Variants in MGAT5B observed in about 807,000 individuals in gnomAD.
MGAT5B encodes the protein N-acetylglucosaminyl-transferase Vb.
Under a neutral mutation model 95.1 loss-of-function variants are expected in MGAT5B, and 54 were observed. The ratio of observed to expected loss-of-function variants is 0.57; its 90% CI spans 0.46 to 0.71. The LOEUF is 0.71. Ranked by LOEUF, MGAT5B falls within the 30% of genes least tolerant of loss-of-function variation. The pLI is 0.00. For synonymous variants in MGAT5B, 464 were observed against 451.0 expected, an observed-to-expected ratio of 1.03 and a Z score of -0.36; for missense variants, 935 against 1,088.6, an observed-to-expected ratio of 0.86 and a Z score of 1.99.
chr17:76,927,567 A>T (rs1437106100), intron 10 of MGAT5B, among the ~76,000 whole-genome samples: 6 of 152,206 alleles, frequency 3.9e-5, no homozygotes, highest in Admixed American at 3.9e-4. Context: ...ATACTCTAAA[A>T]TGTATACACA....
chr17:76,918,031 A>G lies in MGAT5B; in HGVS notation c.1026-6935A>G, dbSNP rs1000344886. On this transcript the variant is annotated intron_variant, in intron 8 of 17. Coordinates refer to ENST00000569840, the MANE Select transcript of MGAT5B (RefSeq NM_001199172.2). This position sits in a 1 kb window ranked among gnomAD's most constrained non-coding sequence, Gnocchi z 5.1. ...GCGGGGTGAGTGTGTGGTCTCCTCCAGCTCTCCTGGGAGCATGGCCCTATT... is the reference window on the plus strand; with the variant it reads ...GCGGGGTGAGTGTGTGGTCTCCTCCGGCTCTCCTGGGAGCATGGCCCTATT... Among the ~76,000 whole-genome samples the G allele has an allele frequency of 2.3e-4, 35 of 152,290 alleles. No individual in the cohort carries two copies. The highest frequency in any genetic ancestry group is 8.4e-4 in the African/African-American group (35 of 41,558).
intron 15 of MGAT5B, among the ~76,000 whole-genome samples, chr17:76,943,038 C>CCCCACCG (rs754402318): frequency 1.4e-5 from 1 of 70,682 alleles, no homozygotes; most frequent in African/African-American, 5.2e-5. Context: ...TAACTTGCCC[C>CCCCACCG]CCCGGGAGGC....
rs184181537 is a variant in MGAT5B, at chr17:76,916,211, G to A, written c.1026-8755G>A. On this transcript the variant is annotated intron_variant, in intron 8 of 17. Transcript: ENST00000569840. This position sits in a 1 kb window ranked among gnomAD's most constrained non-coding sequence, Gnocchi z 5.3. Reference sequence around the variant, plus strand: ...TGGCCCCTGCCCTTCATTCTTCCTCGGGATCCAGGAGAGACCCTTCCTTGC... The same window carrying A: ...TGGCCCCTGCCCTTCATTCTTCCTCAGGATCCAGGAGAGACCCTTCCTTGC... Among the ~76,000 whole-genome samples the A allele has an allele frequency of 7.6e-4, 115 of 152,096 alleles. 1 individual carries two copies. The highest frequency in any genetic ancestry group is 3.4e-3 in the Middle Eastern group (1 of 294).
chr17:76,893,064 C>T (rs4788951), intron 3 of MGAT5B, among the ~76,000 whole-genome samples: 10,706 of 152,200 alleles, frequency 0.07, 653 homozygotes, highest in Admixed American at 0.17. Flanking sequence ...CCCAGCTCAC[C>T]TGTTACTGCA....
rs1966891513 is a variant in MGAT5B, at chr17:76,868,917, C to A, written c.-113C>A. 3.0e-6 allele frequency: 3 copies of A among 1,011,814 alleles called. No homozygotes were observed. The highest frequency in any genetic ancestry group is 2.9e-6 in the Non-Finnish European group (2 of 693,090). 62.7% of individuals were successfully genotyped at this position (1,011,814 alleles called of 1,614,324 possible). ...ACCGGGCCGCGCGCTCCCAGCTTCG[C>A]TCGGACGCGGCTTCGGCCCGCAGAG... On this transcript the variant is annotated 5_prime_UTR_variant, in exon 1 of 18. Coordinates refer to ENST00000569840, the MANE Select transcript of MGAT5B (RefSeq NM_001199172.2). The surrounding 1 kb of genome is among the most constrained non-coding windows in gnomAD (Gnocchi z 6.3).
chr17:76,932,123 G>T (rs115883505), intron 10 of MGAT5B, among the ~76,000 whole-genome samples: 1 of 129,632 alleles, frequency 7.7e-6, no homozygotes, highest in African/African-American at 3.0e-5. Flanking sequence ...CGTCTTCTTT[G>T]TCTTCTCCTT....
chr17:76,929,227 A>C (rs1468317806), intron 10 of MGAT5B, among the ~76,000 whole-genome samples: 1 of 152,140 alleles, frequency 6.6e-6, no homozygotes, highest in African/African-American at 2.4e-5. Context: ...AAGATGATGA[A>C]GCAGGGAGGA....
intron 3 of MGAT5B, among the ~76,000 whole-genome samples, chr17:76,890,643 G>A (rs1484770006): frequency 6.6e-6 from 1 of 151,422 alleles, no homozygotes; most frequent in Non-Finnish European, 1.5e-5. Flanking sequence ...AGCTCAGCCT[G>A]CAGGTGCATG....
In MGAT5B at chr17:76,917,954, C is replaced by T. The variant is rs986784479; in HGVS notation, c.1026-7012C>T. Reference sequence around the variant, plus strand: ...TGTCTGTAAGGAAGAGGACTGGGAACGACCGGAGGGCCGAGTTCCCGTTCC... The same window carrying T: ...TGTCTGTAAGGAAGAGGACTGGGAATGACCGGAGGGCCGAGTTCCCGTTCC... On this transcript the variant is annotated intron_variant, in intron 8 of 17. Transcript: ENST00000569840. The surrounding 1 kb of genome is among the most constrained non-coding windows in gnomAD (Gnocchi z 6.1). 4.6e-5 allele frequency among the ~76,000 whole-genome samples: 7 copies of T among 152,174 alleles called. No individual in the cohort carries two copies. The highest frequency in any genetic ancestry group is 7.2e-5 in the African/African-American group (3 of 41,432).
Position 76,904,262 on chromosome 17 carries a change from C to T in MGAT5B, c.530C>T (p.Ala177Val). 6.2e-7 allele frequency: 1 copy of T among 1,608,062 alleles called. No homozygotes were observed. The change falls in exon 6 of 18, where the codon GCC becomes GTC. Residue 177 changes from alanine (A) to valine (V), a missense_variant. Ala to Val is a moderately conservative substitution (Grantham distance 64). This residue lies in a region of MGAT5B where 243 missense variants were observed against 305.5 expected (regional missense o/e 0.80). Transcript: ENST00000569840. ...DCSGKVEWMR[A>V]RWTSDPCYAF... The stretch of plus-strand genomic sequence containing the variant: ...TGGCCCTCTCTGCAGTGGATGCGTG[C>T]CCGCTGGACCTCTGACCCCTGCTAC...
At chr17:76,907,497 T>A (rs1598942254) in intron 8 of MGAT5B, among the ~76,000 whole-genome samples, 1 of 114,922 alleles carries the variant, frequency 8.7e-6, no homozygotes, top group African/African-American at 4.0e-5. Flanking sequence ...TCAAACTCAC[T>A]CTGTTTCAAA....
intron 10 of MGAT5B, among the ~76,000 whole-genome samples, chr17:76,928,094 GA>G (rs1969370666): frequency 6.6e-6 from 1 of 152,144 alleles, no homozygotes; most frequent in South Asian, 2.1e-4. Flanking sequence ...AGAAGGTTGG[GA>G]AAGTGGGAAG....
Position 76,912,814 on chromosome 17 carries a change from G to A in MGAT5B, c.1025+6627G>A, listed in dbSNP as rs569531814. 4.1e-4 allele frequency among the ~76,000 whole-genome samples: 63 copies of A among 152,324 alleles called. 1 individual carries two copies. The highest frequency in any genetic ancestry group is 3.4e-3 in the Middle Eastern group (1 of 294). On this transcript the variant is annotated intron_variant, in intron 8 of 17. Transcript: ENST00000569840. The surrounding 1 kb of genome is among the most constrained non-coding windows in gnomAD (Gnocchi z 5.0). ...TCCCCGCCCGCGCCCCGCCGTGTGC[G>A]GAGGGAAGAAGCCAAACCCTAGTGC... is the stretch of plus-strand genomic sequence containing the variant.
chr17:76,946,252 G>A (rs964259708), intron 15 of MGAT5B, 124 bp from the exon 16 acceptor site: 46 of 737,970 alleles, frequency 6.2e-5, no homozygotes, highest in Admixed American at 1.2e-4. Flanking sequence ...TGGGGTGGTC[G>A]GCTCCCTGGG....
chr17:76,904,370 G>A lies in MGAT5B; in HGVS notation c.638G>A (p.Trp213Ter). 1 of 1,580,542 alleles carries A rather than the reference G, an allele frequency of 6.3e-7. No homozygotes were observed. Among genetic ancestry groups the A allele is most frequent in the Admixed American group, 1.8e-5 (1 of 54,468 alleles). ...EVEWFCPPLPWRNQTAAQRAP... is the reference protein window; with the variant it reads ...EVEWFCPPLP ...GAGTGGTTCTGCCCCCCGCTGCCCT[G>A]GAGGAACCAGACGGCTGCCCAGAGG... The change falls in exon 6 of 18, where the codon TGG becomes TAG. Residue 213 changes from tryptophan (W) to a stop codon, truncating the protein, a stop_gained. Coordinates refer to ENST00000569840, the MANE Select transcript of MGAT5B (RefSeq NM_001199172.2). LOFTEE classifies it high-confidence loss of function.
rs140973890 is a variant in MGAT5B at position 76,915,530 on chromosome 17, G to A, written c.1025+9343G>A. Among the ~76,000 whole-genome samples the A allele has an allele frequency of 4.1e-4, 62 of 152,290 alleles. 1 individual carries two copies. Among genetic ancestry groups the A allele is most frequent in the African/African-American group, 1.2e-3 (51 of 41,554 alleles). On this transcript the variant is annotated intron_variant, in intron 8 of 17. Transcript: ENST00000569840. The surrounding 1 kb of genome is among the most constrained non-coding windows in gnomAD (Gnocchi z 8.7). ...CTATCCCTCGAAACAAACAGGATTC[G>A]AACCAAATATGGCAAAATGTTAAGG...
At chr17:76,897,714 T>TTTCTTTCC in intron 3 of MGAT5B, among the ~76,000 whole-genome samples, 1 of 112,134 alleles carries the variant, frequency 8.9e-6, no homozygotes, top group East Asian at 2.6e-4. Context: ...TCTTTCTTTC[T>TTTCTTTCC]TTCTTTCTTT....
At chr17:76,891,166 T>C (rs1386914118) in intron 3 of MGAT5B, among the ~76,000 whole-genome samples, 1 of 150,950 alleles carries the variant, frequency 6.6e-6, no homozygotes, top group Non-Finnish European at 1.5e-5. Flanking sequence ...GGTTTCACCA[T>C]GTTGGACAGG....
Position 76,925,066 on chromosome 17 carries a change from C to G in MGAT5B, c.1126C>G (p.Arg376Gly). 3 of 1,611,436 alleles carry G rather than the reference C, an allele frequency of 1.9e-6. No homozygotes were observed. In the East Asian group the frequency reaches 6.7e-5, roughly 36 times the overall value. The change falls in exon 9 of 18, where the codon CGG becomes GGG. Residue 376 changes from arginine (R) to glycine (G), a missense_variant. Arg to Gly is a moderately radical substitution (Grantham distance 125). This residue lies in a region of MGAT5B where 243 missense variants were observed against 305.5 expected (regional missense o/e 0.80). Transcript: ENST00000569840. ...CTACCACGGCCTGCAGCAGATGAAG[C>G]GGCACATGGGACTCTCCTTCAAGAA... ...TDYHGLQQMKRHMGLSFKKYR... is the reference protein window; with the variant it reads ...TDYHGLQQMKGHMGLSFKKYR...
Sources: gnomAD v4.1 joint callset for allele counts (sites outside exome capture counted in the v4.1 genomes callset) on GRCh38, gnomAD v4.1.1 for gene constraint, gnomAD v4.1.1 regional missense constraint, Gnocchi (gnomAD v3.1) non-coding constraint, MANE v1.5 for transcripts, NCBI Gene and HGNC (gene_info 2026-07-23, HGNC 2026-07-21) for gene names.